The following TMEM63A variants were observed in gnomAD, a reference collection of about 807,000 sequenced individuals.
TMEM63A encodes transmembrane protein 63A, also known as mechanosensitive cation channel TMEM63A.
In TMEM63A, 76 loss-of-function variants were observed where a neutral mutation model predicts 100.6. The ratio of observed to expected loss-of-function variants is 0.76; its 90% CI spans 0.63 to 0.91. TMEM63A has a LOEUF of 0.91. Among genes scored for constraint, TMEM63A ranks in the 40% least tolerant of loss-of-function variants. The pLI, the probability that TMEM63A is intolerant of heterozygous loss-of-function variation, is 0.00. For missense variants in TMEM63A, 876 were observed against 1,008.8 expected, an observed-to-expected ratio of 0.87 and a Z score of 1.78; for synonymous variants, 401 against 401.1, an observed-to-expected ratio of 1.00 and a Z score of 0.00.
chr1:225,845,750 T>G lies in TMEM63A; in HGVS notation c.*1189A>C. The G allele has an allele frequency of 3.1e-6, 1 of 324,930 alleles. No individual in the cohort carries two copies. The highest frequency in any genetic ancestry group is 5.9e-6 in the Non-Finnish European group (1 of 170,058). 20.1% of individuals were successfully genotyped at this position (324,930 alleles called of 1,614,324 possible). ...CACCCCTCCCAGCGCAGGGGCAGCT[T>G]GGAGCAGAGGCAGCACTGGCCACCA... On this transcript the variant is annotated 3_prime_UTR_variant, in exon 25 of 25. Coordinates refer to ENST00000366835, the MANE Select transcript of TMEM63A (RefSeq NM_014698.3).
At chr1:225,869,827 T>G (rs926868046) in intron 6 of TMEM63A, among the ~76,000 whole-genome samples, 1 of 151,516 alleles carries the variant, frequency 6.6e-6, no homozygotes, top group African/African-American at 2.4e-5. Flanking sequence ...CAAGCCTGGC[T>G]AATTTTTGTA....
rs1181526200 is a variant in TMEM63A, at chr1:225,870,443, CG to C, written c.371+632del. On this transcript the variant is annotated intron_variant, in intron 6 of 24. Transcript: ENST00000366835. The stretch of plus-strand genomic sequence containing the variant: ...GAGAACCAAGACTCACATCAGTCCC[CG>C]CCCCCCCCCGCCTCCTGGCTCCCTA... 1.7e-4 allele frequency among the ~76,000 whole-genome samples: 4 copies of C among 23,998 alleles called. No individual in the cohort carries two copies. In the East Asian group the frequency reaches 3.0e-3, roughly 18 times the overall value. 15.7% of individuals were successfully genotyped at this position (23,998 alleles called of 152,430 possible).
chr1:225,842,471 A>G (rs758274856), downstream of TMEM63A: 11 of 1,609,742 alleles, frequency 6.8e-6, no homozygotes, highest in African/African-American at 2.7e-5. Flanking sequence ...GGAGGCCTGG[A>G]AAGGTGAGGC....
intron 18 of TMEM63A, among the ~76,000 whole-genome samples, chr1:225,855,655 AACC>A (rs1352575974): frequency 6.6e-6 from 1 of 152,198 alleles, no homozygotes; most frequent in Non-Finnish European, 1.5e-5. Flanking sequence ...CTAAAAAATT[AACC>A]ACATTTCTGC....
chr1:225,875,070 G>A (rs1670710025), intron 3 of TMEM63A, among the ~76,000 whole-genome samples: 1 of 152,200 alleles, frequency 6.6e-6, no homozygotes. Context: ...CAAGGTAGCA[G>A]AGCCTCCTCA....
chr1:225,852,049 G>C (rs1576071249), intron 20 of TMEM63A, among the ~76,000 whole-genome samples: 1 of 152,268 alleles, frequency 6.6e-6, no homozygotes, highest in South Asian at 2.1e-4. Context: ...AAAGCAGCAC[G>C]AGAGCTTTGA....
rs79399177 is a variant in TMEM63A at position 225,878,128 on chromosome 1, G to A, written c.-14-534C>T. 1.2e-3 allele frequency among the ~76,000 whole-genome samples: 190 copies of A among 152,280 alleles called. 2 individuals are homozygous for A. In the East Asian group the frequency reaches 0.031, roughly 25 times the overall value. On this transcript the variant is annotated intron_variant, in intron 2 of 24. Coordinates refer to ENST00000366835, the MANE Select transcript of TMEM63A (RefSeq NM_014698.3). ...CCACAGACAACACCTCACTCCCACT[G>A]CTCACAGAATGTCAGAGCTGGGACC...
rs903456813 is a variant in TMEM63A at position 225,865,657 on chromosome 1, T to C, written c.746+240A>G. The stretch of plus-strand genomic sequence containing the variant: ...ACACCCTGGTCTGTGCTCTGGACAC[T>C]GTGCACAGGCTGCTTGAAGAGGATA... On this transcript the variant is annotated intron_variant, in intron 10 of 24. Transcript: ENST00000366835. This position sits in a 1 kb window ranked among gnomAD's most constrained non-coding sequence, Gnocchi z 4.6. 1.9e-6 allele frequency: 1 copy of C among 524,178 alleles called. No homozygotes were observed. Among genetic ancestry groups the C allele is most frequent in the Non-Finnish European group, 3.5e-6 (1 of 287,712 alleles). 32.5% of individuals were successfully genotyped at this position (524,178 alleles called of 1,614,324 possible).
At chr1:225,864,364 A>G (rs371445020) in intron 10 of TMEM63A, 6 of 152,248 alleles carry the variant, frequency 3.9e-5, no homozygotes, top group South Asian at 4.1e-4. Flanking sequence ...TCTGGTCTCA[A>G]TAAGAGCTGT....
intron 10 of TMEM63A, chr1:225,864,448 A>AGC (rs1670100859): frequency 6.6e-6 from 1 of 152,202 alleles, no homozygotes; most frequent in African/African-American, 2.4e-5. Context: ...GGACTGCAAC[A>AGC]GCATTCACTA....
intron 3 of TMEM63A, 57 bp from the exon 4 acceptor site, chr1:225,874,424 C>T: frequency 1.3e-6 from 2 of 1,512,870 alleles, no homozygotes; most frequent in Non-Finnish European, 1.8e-6. Context: ...CATTAGAAGA[C>T]ACAGCGGTCT....
In TMEM63A at chr1:225,862,836, C is replaced by T. The variant is rs763080335; in HGVS notation, c.762G>A (p.Thr254=). 31 of 1,613,850 alleles carry T rather than the reference C, an allele frequency of 1.9e-5. No individual in the cohort carries two copies. The highest frequency in any genetic ancestry group is 1.3e-4 in the Admixed American group (8 of 59,988). Residue 254 remains threonine (T), a synonymous_variant, in exon 11 of 25, where the codon ACG becomes ACA. Coordinates refer to ENST00000366835, the MANE Select transcript of TMEM63A (RefSeq NM_014698.3). The surrounding 1 kb of genome is among the most constrained non-coding windows in gnomAD (Gnocchi z 5.1). The stretch of plus-strand genomic sequence containing the variant: ...ACAGCTGCACATCAACCACCTCACA[C>T]GTGGGATACGCGTCCCTGTGGCCAG... ...VESHFRDAYP[T]CEVVDVQLCY...
intron 6 of TMEM63A, among the ~76,000 whole-genome samples, chr1:225,869,755 C>T (rs1459019944): frequency 3.3e-5 from 5 of 149,960 alleles, no homozygotes; most frequent in African/African-American, 1.2e-4. Context: ...CTCCGCCTTC[C>T]GGTTTCAAGC....
At chr1:225,861,072 A>G in intron 13 of TMEM63A, 75 bp from the exon 14 acceptor site, 4 of 1,511,560 alleles carry the variant, frequency 2.6e-6, no homozygotes, top group African/African-American at 1.4e-5. Context: ...GTGGGGACTG[A>G]GTAGGAGTGG....
chr1:225,870,003 G>T (rs957436374), intron 6 of TMEM63A, among the ~76,000 whole-genome samples: 3 of 152,006 alleles, frequency 2.0e-5, no homozygotes, highest in Non-Finnish European at 2.9e-5. Flanking sequence ...TATCGTTATA[G>T]TTGATGGTAG....
In TMEM63A at chr1:225,848,488, T is replaced by TTAC; in HGVS notation, c.2250+1_2250+3dup. Reference sequence around the variant, plus strand: ...AAGCTCAGAGGCTGAGGGGCACAGCTTACTGTGAACGGTGGGGGCATGTGG... The same window carrying TTAC: ...AAGCTCAGAGGCTGAGGGGCACAGCTTACTACTGTGAACGGTGGGGGCATGTGG... On this transcript the variant is annotated splice_donor_region_variant and intron_variant, in intron 23 of 24. Coordinates refer to ENST00000366835, the MANE Select transcript of TMEM63A (RefSeq NM_014698.3). 6.2e-7 allele frequency: 1 copy of TTAC among 1,614,090 alleles called. No individual in the cohort carries two copies. The highest frequency in any genetic ancestry group is 8.5e-7 in the Non-Finnish European group (1 of 1,180,014).
At chr1:225,855,443 C>T (rs754030849) in intron 18 of TMEM63A, among the ~76,000 whole-genome samples, 2 of 152,160 alleles carry the variant, frequency 1.3e-5, no homozygotes, top group African/African-American at 2.4e-5. Flanking sequence ...AAAATACTAA[C>T]AAGGATACAT....
At chr1:225,861,097 G>C (rs1479020192) in intron 13 of TMEM63A, 100 bp from the exon 14 acceptor site, 2 of 1,366,786 alleles carry the variant, frequency 1.5e-6, no homozygotes, top group East Asian at 2.4e-5. Flanking sequence ...CAGTGGCATA[G>C]GACCTTTGCT....
Position 225,846,878 on chromosome 1 carries a change from G to T in TMEM63A, c.*61C>A. On this transcript the variant is annotated 3_prime_UTR_variant, in exon 25 of 25. Coordinates refer to ENST00000366835, the MANE Select transcript of TMEM63A (RefSeq NM_014698.3). ...GGCAGTCCCAACGCATTCCCACTCAGCCAAGGGCCTGAGCCCCAGGCCATT... is the reference window on the plus strand; with the variant it reads ...GGCAGTCCCAACGCATTCCCACTCATCCAAGGGCCTGAGCCCCAGGCCATT... The T allele has an allele frequency of 2.3e-6, 2 of 888,126 alleles. No homozygotes were observed. The highest frequency in any genetic ancestry group is 3.3e-6 in the Non-Finnish European group (2 of 612,348). The allele number at this position is 888,126 out of a possible 1,614,324, so 55.0% of individuals were successfully genotyped here.
Sources: allele counts gnomAD v4.1 joint callset (sites outside exome capture counted in the v4.1 genomes callset), GRCh38; gene constraint gnomAD v4.1.1; non-coding constraint Gnocchi (gnomAD v3.1); transcripts MANE v1.5; gene names NCBI Gene and HGNC (gene_info 2026-07-23, HGNC 2026-07-21).